Variants in WDR20 observed in about 807,000 individuals in gnomAD.
WDR20 encodes the protein WD repeat-containing protein 20.
WDR20 carries 3 observed loss-of-function variants against 38.7 expected under a neutral mutation model. The observed-to-expected ratio is 0.08, with a 90% CI of 0.04 to 0.20. WDR20 has a LOEUF of 0.20. Among genes scored for constraint, WDR20 ranks in the 10% least tolerant of loss-of-function variants. WDR20 has a pLI of 1.00. For missense variants in WDR20, 559 were observed against 727.7 expected (o/e 0.77, Z 2.67); for synonymous variants, 298 against 285.6 (o/e 1.04, Z -0.44).
upstream of WDR20, chr14:102,139,802 C>G (rs1469082990): frequency 6.9e-7 from 1 of 1,452,056 alleles, no homozygotes; most frequent in South Asian, 1.3e-5. Flanking sequence ...CAGGGCTGGC[C>G]CGCGGGTGGG....
chr14:102,140,079 C>T lies in WDR20; in HGVS notation c.156C>T (p.Phe52=), dbSNP rs549221821. 1.9e-6 allele frequency: 3 copies of T among 1,614,196 alleles called. No homozygotes were observed. The highest frequency in any genetic ancestry group is 2.2e-5 in the East Asian group (1 of 44,884). ...SQGSNPVRVS[F]VNLNDQSGNG... is the part of the protein sequence containing the mutation. ...GATCCAACCCTGTCCGCGTCTCCTT[C>T]GTAAACCTCAACGACCAGTCTGGCA... Residue 52 remains phenylalanine (F), a synonymous_variant, in exon 1 of 3, where the codon TTC becomes TTT. Transcript: ENST00000342702.
At chr14:102,172,653 G>A (rs1390459116) in intron 1 of WDR20, among the ~76,000 whole-genome samples, 1 of 146,938 alleles carries the variant, frequency 6.8e-6, no homozygotes, top group Admixed American at 6.7e-5. Flanking sequence ...GCGGCTGGCC[G>A]GGCAGGGGGC....
At chr14:102,161,583 G>A (rs572260635) in intron 1 of WDR20, among the ~76,000 whole-genome samples, 1 of 152,236 alleles carries the variant, frequency 6.6e-6, no homozygotes, top group South Asian at 2.1e-4. Flanking sequence ...TGGTTTACAA[G>A]TAACAGGAAA....
Position 102,153,392 on chromosome 14 carries a change from C to T in WDR20, c.249+13220C>T, listed in dbSNP as rs547371861. ...TGTGATCTCGGCTCACTGCAAGCTC[C>T]GCCTCCTGGGTTCACGCCATTCTCC... On this transcript the variant is annotated intron_variant, in intron 1 of 2. Coordinates refer to ENST00000342702, the MANE Select transcript of WDR20 (RefSeq NM_144574.4). Among the ~76,000 whole-genome samples the T allele has an allele frequency of 1.1e-4, 16 of 149,170 alleles. No individual in the cohort carries two copies. The East Asian group carries it at 1.4e-3, about 13-fold the overall frequency.
At chr14:102,212,321 C>T (rs756863366), downstream of WDR20, among the ~76,000 whole-genome samples, 1 of 152,184 alleles carries the variant, frequency 6.6e-6, no homozygotes, top group Non-Finnish European at 1.5e-5. Flanking sequence ...GGGGCCCCTT[C>T]GTTGTGTCTA....
chr14:102,186,793 T>TA (rs1224308832), intron 1 of WDR20, among the ~76,000 whole-genome samples: 5 of 151,434 alleles, frequency 3.3e-5, no homozygotes, highest in South Asian at 2.1e-4. Context: ...CTATTAAAAA[T>TA]AAAAAAAATT....
chr14:102,206,267 G>A (rs993376397), intron 2 of WDR20, among the ~76,000 whole-genome samples: 1 of 152,210 alleles, frequency 6.6e-6, no homozygotes, highest in Non-Finnish European at 1.5e-5. Flanking sequence ...GATTACAGGC[G>A]TGAGCCGCCG....
chr14:102,174,452 C>T (rs897683993), intron 1 of WDR20, among the ~76,000 whole-genome samples: 9 of 152,156 alleles, frequency 5.9e-5, no homozygotes, highest in Admixed American at 6.5e-5. Context: ...CAGAGTCTTG[C>T]TCTGTCACCC....
rs183732852 is a variant in WDR20, at chr14:102,206,777, G to A, written c.433-1826G>A. ...TTGTGGGATCAAGAGTGCTGGGGTA[G>A]TCTGGGCCCAGTGGGCACAGCAAGG... On this transcript the variant is annotated intron_variant, in intron 2 of 2. Transcript: ENST00000342702. Among the ~76,000 whole-genome samples, 11 of 152,284 alleles carry A rather than the reference G, an allele frequency of 7.2e-5. No individual in the cohort carries two copies. The South Asian group carries it at 8.3e-4, about 11-fold the overall frequency.
At position 102,222,858 on chromosome 14, in the gene WDR20, G is replaced by T. The variant is rs2064078662; in HGVS notation, c.1721G>T (p.Ser574Ile). The T allele has an allele frequency of 6.2e-7, 1 of 1,614,110 alleles. No homozygotes were observed. The highest frequency in any genetic ancestry group is 8.5e-7 in the Non-Finnish European group (1 of 1,180,042). ...TCATTGTCATCCCCAAGCCAGGCCA[G>T]TTCTCCAGGTGGAACTGTAGTGTAG... The change falls in exon 4 of 4, where the codon AGT (serine) becomes ATT (isoleucine). Residue 574 changes from serine (S) to isoleucine (I), a missense_variant. Coordinates refer to the WDR20 transcript ENST00000335263. The surrounding 1 kb of genome is among the most constrained non-coding windows in gnomAD (Gnocchi z 4.4).
At chr14:102,192,560 G>A (rs1779388656) in intron 1 of WDR20, among the ~76,000 whole-genome samples, 3 of 152,088 alleles carry the variant, frequency 2.0e-5, no homozygotes, top group Non-Finnish European at 4.4e-5. Flanking sequence ...TTCCATATTG[G>A]GAGGCAGGGA....
At chr14:102,177,944 T>G (rs2062518231) in intron 1 of WDR20, among the ~76,000 whole-genome samples, 1 of 152,188 alleles carries the variant, frequency 6.6e-6, no homozygotes, top group African/African-American at 2.4e-5. Flanking sequence ...CCTGCAAACT[T>G]GAGAATTTCT....
Position 102,221,337 on chromosome 14 carries a change from C to T in WDR20, c.1693-1493C>T, listed in dbSNP as rs1034163423. 1.3e-5 allele frequency among the ~76,000 whole-genome samples: 2 copies of T among 152,228 alleles called. No homozygotes were observed. The highest frequency in any genetic ancestry group is 4.8e-5 in the African/African-American group (2 of 41,462). On this transcript the variant is annotated intron_variant, in intron 3 of 3. Coordinates refer to the WDR20 transcript ENST00000335263. This position sits in a 1 kb window ranked among gnomAD's most constrained non-coding sequence, Gnocchi z 4.8. ...TTCTGGAGATTTGTCACTTCCTGGACACCACATAGCTTGTGGAAAGCACTT... is the reference window on the plus strand; with the variant it reads ...TTCTGGAGATTTGTCACTTCCTGGATACCACATAGCTTGTGGAAAGCACTT...
chr14:102,157,952 T>C (rs1368535929), intron 1 of WDR20, among the ~76,000 whole-genome samples: 2 of 152,050 alleles, frequency 1.3e-5, no homozygotes, highest in Non-Finnish European at 2.9e-5. Context: ...TGTATTGTCC[T>C]CCTTTAGGGC....
At position 102,220,462 on chromosome 14, in the gene WDR20, G is replaced by A. The variant is rs1307659356; in HGVS notation, c.1693-2368G>A. Reference sequence around the variant, plus strand: ...AAATTGGCCAGGTGCGGTGGCTCACGCCTGTAATCCCAGCACTTTGGGAGG... The same window carrying A: ...AAATTGGCCAGGTGCGGTGGCTCACACCTGTAATCCCAGCACTTTGGGAGG... On this transcript the variant is annotated intron_variant, in intron 3 of 3. Transcript: ENST00000335263. The surrounding 1 kb of genome is among the most constrained non-coding windows in gnomAD (Gnocchi z 4.2). 6.6e-6 allele frequency among the ~76,000 whole-genome samples: 1 copy of A among 152,134 alleles called. No homozygotes were observed. Among genetic ancestry groups the A allele is most frequent in the South Asian group, 2.1e-4 (1 of 4,828 alleles).
chr14:102,190,006 T>G (rs1190552442), intron 1 of WDR20, among the ~76,000 whole-genome samples: 1 of 152,188 alleles, frequency 6.6e-6, no homozygotes. Flanking sequence ...CAAAGGAGAC[T>G]GTCCCTACCA....
At chr14:102,170,921 T>C (rs575157911) in intron 1 of WDR20, among the ~76,000 whole-genome samples, 1 of 152,224 alleles carries the variant, frequency 6.6e-6, no homozygotes, top group Non-Finnish European at 1.5e-5. Flanking sequence ...CCCTTTATTT[T>C]TCTTCTTCCT....
chr14:102,147,236 A>C (rs1020632372), intron 1 of WDR20, among the ~76,000 whole-genome samples: 1 of 152,174 alleles, frequency 6.6e-6, no homozygotes, highest in African/African-American at 2.4e-5. Flanking sequence ...CTCTACTAAA[A>C]ATACAAAAAT....
At chr14:102,170,188 C>G (rs530715124) in intron 1 of WDR20, among the ~76,000 whole-genome samples, 53 of 152,282 alleles carry the variant, frequency 3.5e-4, no homozygotes, top group Admixed American at 6.5e-4. Context: ...TGTGTAAAAG[C>G]ATCTTTAATG....
Sources: allele counts gnomAD v4.1 joint callset (sites outside exome capture counted in the v4.1 genomes callset), GRCh38; gene constraint gnomAD v4.1.1; non-coding constraint Gnocchi (gnomAD v3.1); transcripts MANE v1.5; gene names NCBI Gene and HGNC (gene_info 2026-07-23, HGNC 2026-07-21).